Variants in FOXP2 observed in about 807,000 individuals in gnomAD.
FOXP2 encodes forkhead box P2, also known as forkhead box protein P2.
FOXP2 carries 12 observed loss-of-function variants against 115.8 expected under a neutral mutation model. The ratio of observed to expected loss-of-function variants is 0.10; its 90% CI spans 0.07 to 0.17. The LOEUF (loss-of-function observed/expected upper bound fraction) is 0.17. Among genes scored for constraint, FOXP2 ranks in the 10% least tolerant of loss-of-function variants. The probability of loss-of-function intolerance (pLI) is 1.00; values close to 1 mark genes in which losing one functional copy is unlikely to be tolerated. For synonymous variants in FOXP2, 328 were observed against 297.7 expected (o/e 1.10, Z -1.05); for missense variants, 629 against 843.5 (o/e 0.75, Z 3.15).
chr7:114,215,666 T>C (rs993606168), intron 1 of FOXP2, among the ~76,000 whole-genome samples: 3 of 152,154 alleles, frequency 2.0e-5, no homozygotes, highest in South Asian at 2.1e-4. Context: ...TTTTTTTTTT[T>C]TCTTCTCTGT....
At chr7:114,413,546 A>T (rs540303011), upstream of FOXP2, among the ~76,000 whole-genome samples, 1 of 152,248 alleles carries the variant, frequency 6.6e-6, no homozygotes, top group African/African-American at 2.4e-5. Context: ...AAAATTGCTA[A>T]CAGAATATTA....
chr7:114,132,489 A>G (rs1488923179), intron 1 of FOXP2, among the ~76,000 whole-genome samples: 2 of 152,012 alleles, frequency 1.3e-5, no homozygotes, highest in Non-Finnish European at 2.9e-5. Flanking sequence ...AAAGATAAAG[A>G]ATATAAGATC....
chr7:114,675,932 C>T (rs1438125183), intron 16 of FOXP2, among the ~76,000 whole-genome samples: 7 of 151,026 alleles, frequency 4.6e-5, no homozygotes, highest in Admixed American at 1.3e-4. Flanking sequence ...TTTTTTGAGA[C>T]GGAGTCCCGC....
intron 16 of FOXP2, among the ~76,000 whole-genome samples, chr7:114,679,327 C>T (rs1038172458): frequency 6.6e-6 from 1 of 152,146 alleles, no homozygotes; most frequent in African/African-American, 2.4e-5. Flanking sequence ...ATAAATTCTT[C>T]ACTTCTTTCC....
chr7:114,441,178 T>C (rs1794585794), intron 2 of FOXP2, among the ~76,000 whole-genome samples: 1 of 152,152 alleles, frequency 6.6e-6, no homozygotes, highest in African/African-American at 2.4e-5. Context: ...CTGGGTGTGG[T>C]GGCTCACAGC....
intron 5 of FOXP2, 94 bp downstream of exon 5, chr7:114,630,099 C>T (rs1458792655): frequency 1.3e-6 from 2 of 1,593,044 alleles, no homozygotes; most frequent in Admixed American, 1.7e-5. Context: ...TATAACAAGG[C>T]TCTTGCTGTC....
intron 1 of FOXP2, among the ~76,000 whole-genome samples, chr7:114,167,283 G>C (rs1453629686): frequency 6.6e-6 from 1 of 152,152 alleles, no homozygotes; most frequent in Non-Finnish European, 1.5e-5. Context: ...ACCACAAAGA[G>C]ACATGGAAAA....
At chr7:114,173,104 A>T (rs1731728756) in intron 1 of FOXP2, among the ~76,000 whole-genome samples, 1 of 151,960 alleles carries the variant, frequency 6.6e-6, no homozygotes, top group African/African-American at 2.4e-5. Context: ...TGAGCCACTC[A>T]TCTTTATTGA....
intron 16 of FOXP2, among the ~76,000 whole-genome samples, chr7:114,670,870 G>A (rs1311422837): frequency 1.3e-5 from 2 of 151,924 alleles, no homozygotes; most frequent in Non-Finnish European, 2.9e-5. Flanking sequence ...TTGAGCAAAT[G>A]GAATGCTCTT....
chr7:114,395,957 C>T (rs1792727156), intron 2 of FOXP2, among the ~76,000 whole-genome samples: 3 of 151,900 alleles, frequency 2.0e-5, no homozygotes, highest in Admixed American at 1.3e-4. Flanking sequence ...TAGGTAATCA[C>T]ATTAGGATAA....
At chr7:114,662,339 C>T (rs1230628152) in intron 14 of FOXP2, among the ~76,000 whole-genome samples, 153 bp downstream of exon 14, 2 of 151,990 alleles carry the variant, frequency 1.3e-5, no homozygotes, top group African/African-American at 2.4e-5. Context: ...GTGTAGGTGG[C>T]ATAAATCAAC....
chr7:114,491,623 G>A (rs568897192), intron 2 of FOXP2, among the ~76,000 whole-genome samples: 23 of 152,028 alleles, frequency 1.5e-4, no homozygotes, highest in African/African-American at 5.1e-4. Context: ...TTTCTTCTAG[G>A]GTTTTTATGG....
intron 3 of FOXP2, among the ~76,000 whole-genome samples, chr7:114,548,330 A>T (rs1800034170): frequency 6.6e-6 from 1 of 152,326 alleles, no homozygotes; most frequent in South Asian, 2.1e-4. Flanking sequence ...AGCTGAGTCT[A>T]TGAAGCTGAT....
chr7:114,643,087 A>C (rs537332764), intron 7 of FOXP2, among the ~76,000 whole-genome samples: 34 of 152,020 alleles, frequency 2.2e-4, no homozygotes, highest in African/African-American at 7.2e-4. Flanking sequence ...CTGGGATTAC[A>C]GGCGTGAGCC....
intron 1 of FOXP2, among the ~76,000 whole-genome samples, chr7:114,183,395 CTT>C (rs753179962): frequency 1.6e-4 from 24 of 152,122 alleles, no homozygotes; most frequent in South Asian, 8.3e-4. Flanking sequence ...ATATTTCACT[CTT>C]ATATATTTAA....
At chr7:114,270,666 C>T (rs1796012372) in intron 1 of FOXP2, among the ~76,000 whole-genome samples, 1 of 151,834 alleles carries the variant, frequency 6.6e-6, no homozygotes, top group Non-Finnish European at 1.5e-5. Flanking sequence ...GAGTTTTTTT[C>T]TTATTGTTGA....
intron 3 of FOXP2, among the ~76,000 whole-genome samples, chr7:114,542,371 T>C (rs549531289): frequency 6.6e-5 from 10 of 152,320 alleles, no homozygotes; most frequent in South Asian, 4.1e-4. Context: ...GTATCTAATA[T>C]TTAATTCTTG....
intron 16 of FOXP2, among the ~76,000 whole-genome samples, chr7:114,683,666 G>A (rs186809539): frequency 6.6e-6 from 1 of 152,318 alleles, no homozygotes; most frequent in East Asian, 1.9e-4. Context: ...TAGACAGGAT[G>A]TGTGTGAATA....
chr7:114,276,258 A>G (rs1469389309), intron 1 of FOXP2, among the ~76,000 whole-genome samples: 1 of 152,038 alleles, frequency 6.6e-6, no homozygotes, highest in Non-Finnish European at 1.5e-5. Flanking sequence ...CCCTGGTTCA[A>G]GGGATTCTAC....
Sources: gnomAD v4.1 joint callset for allele counts (sites outside exome capture counted in the v4.1 genomes callset) on GRCh38, gnomAD v4.1.1 for gene constraint, MANE v1.5 for transcripts, NCBI Gene and HGNC (gene_info 2026-07-23, HGNC 2026-07-21) for gene names.